MYO1D: variants seen among roughly 807,000 people sequenced by gnomAD.
The protein encoded by MYO1D is unconventional myosin-Id.
Under a neutral mutation model 122.0 loss-of-function variants are expected in MYO1D, and 83 were observed. That is an observed-to-expected ratio of 0.68 (90% CI 0.57 to 0.82). MYO1D has a LOEUF of 0.82. Among genes scored for constraint, MYO1D ranks in the 40% least tolerant of loss-of-function variants. The pLI, the probability that MYO1D is intolerant of heterozygous loss-of-function variation, is 0.00. For synonymous variants in MYO1D, 464 were observed against 446.9 expected (o/e 1.04, Z -0.48); for missense variants, 1,157 against 1,269.5 (o/e 0.91, Z 1.35).
chr17:32,798,889 C>A (rs1312808291), intron 1 of MYO1D, among the ~76,000 whole-genome samples: 1 of 152,126 alleles, frequency 6.6e-6, no homozygotes. Context: ...TTTATTTATA[C>A]TTATTTCTAG....
chr17:32,507,892 CTTT>C (rs34271237), intron 21 of MYO1D, among the ~76,000 whole-genome samples: 11 of 109,310 alleles, frequency 1.0e-4, no homozygotes, highest in Admixed American at 1.9e-4. Context: ...CCATGCTGGA[CTTT>C]TTTTTTTTTT....
intron 21 of MYO1D, among the ~76,000 whole-genome samples, chr17:32,507,892 C>CTTTTTTT (rs34271237): frequency 7.3e-5 from 8 of 109,318 alleles, no homozygotes; most frequent in African/African-American, 2.6e-4. Flanking sequence ...CCATGCTGGA[C>CTTTTTTT]TTTTTTTTTT....
At chr17:32,681,255 G>C (rs1403449735) in intron 16 of MYO1D, among the ~76,000 whole-genome samples, 1 of 150,834 alleles carries the variant, frequency 6.6e-6, no homozygotes, top group Non-Finnish European at 1.5e-5. Context: ...ATTTCCTTCA[G>C]TTCTGCTCTG....
chr17:32,649,662 C>G (rs191777089), intron 19 of MYO1D, among the ~76,000 whole-genome samples: 2 of 151,568 alleles, frequency 1.3e-5, no homozygotes, highest in African/African-American at 4.9e-5. Context: ...ACCTCCACCC[C>G]CCGGGTTCAA....
intron 5 of MYO1D, among the ~76,000 whole-genome samples, chr17:32,772,087 G>C (rs1303858458): frequency 6.6e-6 from 1 of 152,142 alleles, no homozygotes; most frequent in Non-Finnish European, 1.5e-5. Flanking sequence ...GAATTCGACT[G>C]AATTGCATCC....
intron 1 of MYO1D, among the ~76,000 whole-genome samples, chr17:32,793,998 C>A (rs955126746): frequency 1.3e-5 from 2 of 152,174 alleles, no homozygotes; most frequent in Non-Finnish European, 2.9e-5. Flanking sequence ...CAGGAAATAT[C>A]TTTCTTCCAC....
chr17:32,828,544 G>GAAGACA (rs2099752835), intron 1 of MYO1D, among the ~76,000 whole-genome samples: 1 of 140,476 alleles, frequency 7.1e-6, no homozygotes, highest in African/African-American at 2.6e-5. Flanking sequence ...AAAAAAGAAA[G>GAAGACA]AAGACAGGAA....
intron 21 of MYO1D, among the ~76,000 whole-genome samples, chr17:32,601,756 T>C (rs1374751435): frequency 3.9e-5 from 6 of 152,202 alleles, no homozygotes; most frequent in South Asian, 2.1e-4. Flanking sequence ...AGGGTTGCCA[T>C]AAACCTTCAA....
intron 19 of MYO1D, among the ~76,000 whole-genome samples, chr17:32,640,127 AT>A (rs1214048724): frequency 4.6e-5 from 7 of 152,114 alleles, no homozygotes; most frequent in Admixed American, 1.3e-4. Context: ...ACCAAAGCAC[AT>A]TTTTTTCAGT....
intron 20 of MYO1D, among the ~76,000 whole-genome samples, chr17:32,606,756 G>A (rs1411080579): frequency 1.3e-5 from 2 of 152,212 alleles, no homozygotes; most frequent in African/African-American, 2.4e-5. Context: ...GGTGAAGAAG[G>A]ACTGAATGTT....
Position 32,775,966 on chromosome 17 carries a change from G to A in MYO1D, c.462C>T (p.Asn154=), listed in dbSNP as rs78215196. 8.2e-4 allele frequency: 1,321 copies of A among 1,613,872 alleles called. 15 individuals are homozygous for A. In the East Asian group the frequency reaches 0.017, roughly 20 times the overall value. Reference sequence around the variant, plus strand: ...CAAACCTGCTTGAGTTGTCATTACGGTTGGTTTTGGCATTTCCAAAAGCTT... The same window carrying A: ...CAAACCTGCTTGAGTTGTCATTACGATTGGTTTTGGCATTTCCAAAAGCTT... ...VLEAFGNAKT[N]RNDNSSRFGK... is the part of the protein sequence containing the mutation. Residue 154 remains asparagine (N), a synonymous_variant, in exon 4 of 22, where the codon AAC becomes AAT. Coordinates refer to ENST00000318217, the MANE Select transcript of MYO1D (RefSeq NM_015194.3).
chr17:32,830,187 C>A (rs892075998), intron 1 of MYO1D: 1 of 152,102 alleles, frequency 6.6e-6, no homozygotes, highest in Non-Finnish European at 1.5e-5. Flanking sequence ...GCACAAAATT[C>A]TCCATCTGAT....
intron 21 of MYO1D, among the ~76,000 whole-genome samples, chr17:32,575,597 T>G (rs9904092): frequency 0.51 from 78,074 of 151,980 alleles, 20,431 homozygotes; most frequent in Middle Eastern, 0.64. Context: ...ATCTGCTCCT[T>G]TTTCCACTTT....
intron 16 of MYO1D, among the ~76,000 whole-genome samples, chr17:32,668,024 T>C (rs1021475): frequency 0.056 from 8,598 of 152,192 alleles, 765 homozygotes; most frequent in African/African-American, 0.19. Flanking sequence ...CTCCAGATAA[T>C]AGGTTAAGTA....
At chr17:32,855,993 C>T (rs963473142) in intron 1 of MYO1D, among the ~76,000 whole-genome samples, 1 of 152,164 alleles carries the variant, frequency 6.6e-6, no homozygotes, top group African/African-American at 2.4e-5. Context: ...TTCAGAATGA[C>T]AGCATTATAA....
At chr17:32,641,799 T>C (rs1460002599) in intron 19 of MYO1D, among the ~76,000 whole-genome samples, 1 of 152,178 alleles carries the variant, frequency 6.6e-6, no homozygotes, top group Non-Finnish European at 1.5e-5. Flanking sequence ...TCTTGTAAAT[T>C]TGTTTGAGTT....
At chr17:32,728,210 A>T (rs1189386452) in intron 14 of MYO1D, among the ~76,000 whole-genome samples, 1 of 144,642 alleles carries the variant, frequency 6.9e-6, no homozygotes, top group African/African-American at 2.5e-5. Context: ...ATTGAATGCA[A>T]TTTTTTTTTT....
chr17:32,869,654 G>C (rs1022186706), intron 1 of MYO1D, among the ~76,000 whole-genome samples: 1 of 152,156 alleles, frequency 6.6e-6, no homozygotes, highest in Non-Finnish European at 1.5e-5. Context: ...TCCACATAGA[G>C]CTAATATGGA....
Position 32,767,294 on chromosome 17 carries a change from G to A in MYO1D, c.831+342C>T, listed in dbSNP as rs140223934. On this transcript the variant is annotated intron_variant, in intron 7 of 21. Coordinates refer to ENST00000318217, the MANE Select transcript of MYO1D (RefSeq NM_015194.3). The stretch of plus-strand genomic sequence containing the variant: ...ATGAGATGATTAAAAATCCAGTTCC[G>A]ATAACCTATGATTCTATGTTTCAAA... Among the ~76,000 whole-genome samples, 17 of 152,220 alleles carry A rather than the reference G, an allele frequency of 1.1e-4. No individual in the cohort carries two copies. The South Asian group carries it at 2.9e-3, about 26-fold the overall frequency.
Sources: allele counts gnomAD v4.1 joint callset (sites outside exome capture counted in the v4.1 genomes callset), GRCh38; gene constraint gnomAD v4.1.1; transcripts MANE v1.5; gene names NCBI Gene and HGNC (gene_info 2026-07-23, HGNC 2026-07-21).